The following SF1 variants were observed in gnomAD, a reference collection of about 807,000 sequenced individuals.
SF1 encodes splicing factor 1, also known as branch point-binding protein.
SF1 carries 7 observed loss-of-function variants against 62.5 expected under a neutral mutation model. The ratio of observed to expected loss-of-function variants is 0.11; its 90% CI spans 0.06 to 0.21. The LOEUF is 0.21. Ranked by LOEUF, SF1 falls within the 10% of genes least tolerant of loss-of-function variation. The probability of loss-of-function intolerance (pLI) is 1.00; values close to 1 mark genes in which losing one functional copy is unlikely to be tolerated. For missense variants in SF1, 578 were observed against 884.0 expected (o/e 0.65, Z 4.39); for synonymous variants, 394 against 323.6 (o/e 1.22, Z -2.33).
chr11:64,775,195 G>A (rs747109072), intron 2 of SF1, among the ~76,000 whole-genome samples: 1 of 151,586 alleles, frequency 6.6e-6, no homozygotes, highest in East Asian at 1.9e-4. Flanking sequence ...AAATAAAAAG[G>A]GTCATTCTCT....
At chr11:64,778,132 T>C (rs1390040218) in intron 1 of SF1, 3 of 759,556 alleles carry the variant, frequency 3.9e-6, no homozygotes, top group South Asian at 6.0e-5. Context: ...ACGGTGGCGG[T>C]GGAGGCGGCG....
chr11:64,775,102 C>T (rs1254041361), intron 2 of SF1, among the ~76,000 whole-genome samples: 2 of 152,066 alleles, frequency 1.3e-5, no homozygotes, highest in African/African-American at 2.4e-5. Context: ...GTATTAAGCT[C>T]AACAACTCGA....
At chr11:64,776,276 T>C (rs1235191297) in intron 2 of SF1, 1 of 486,590 alleles carries the variant, frequency 2.1e-6, no homozygotes, top group African/African-American at 2.0e-5. Context: ...AAACCCTACC[T>C]TCCTGATACT....
Position 64,768,136 on chromosome 11 carries a change from A to C in SF1, c.1038T>G (p.Pro346=), listed in dbSNP as rs749714318. 3 of 1,612,048 alleles carry C rather than the reference A, an allele frequency of 1.9e-6. No homozygotes were observed. The highest frequency in any genetic ancestry group is 2.5e-6 in the Non-Finnish European group (3 of 1,179,022). ...GAGGTGGGTTGTTGGCGGGAGCAGC[A>C]GGACGAGGTGCGCTGGCCAGGGGTG... ...ATTPLASAPR[P]AAPANNPPPP... Residue 346 remains proline, a synonymous_variant, in exon 9 of 13, where the codon CCT becomes CCG. Transcript: ENST00000377390.
Position 64,765,292 on chromosome 11 carries a change from AG to A in SF1, c.*525del. On this transcript the variant is annotated 3_prime_UTR_variant, in exon 13 of 13. Coordinates refer to ENST00000377390, the MANE Select transcript of SF1 (RefSeq NM_004630.4). ...ATCTCCTTGGACGGAGTCTGAAGAA[AG>A]GAAAAGATAAAGAAGTAACAAAGGA... The A allele has an allele frequency of 1.6e-6, 1 of 616,204 alleles. No homozygotes were observed. Among genetic ancestry groups the A allele is most frequent in the East Asian group, 2.8e-5 (1 of 35,930 alleles). The allele number at this position is 616,204 out of a possible 1,614,324, so 38.2% of individuals were successfully genotyped here.
At position 64,778,494 on chromosome 11, in the gene SF1, C is replaced by T; in HGVS notation, c.-102G>A. 8.4e-7 allele frequency: 1 copy of T among 1,187,652 alleles called. No homozygotes were observed. Among genetic ancestry groups the T allele is most frequent in the East Asian group, 3.5e-5 (1 of 28,392 alleles). The allele number at this position is 1,187,652 out of a possible 1,614,324, so 73.6% of individuals were successfully genotyped here. ...GGGACCCGAATGCGCTGCCGGAGCG[C>T]GCGGAGCCCGTCCTCTCACGCGGCG... is the stretch of plus-strand genomic sequence containing the variant. On this transcript the variant is annotated 5_prime_UTR_variant, in exon 1 of 13. Coordinates refer to ENST00000377390, the MANE Select transcript of SF1 (RefSeq NM_004630.4).
chr11:64,767,870 G>A (rs758708143), intron 9 of SF1, 26 bp from the exon 10 acceptor site: 14 of 1,602,844 alleles, frequency 8.7e-6, no homozygotes, highest in African/African-American at 4.0e-5. Flanking sequence ...TCCTGCCAAC[G>A]TCCCTGCCTG....
chr11:64,771,012 G>GGA (rs1203354618), intron 3 of SF1, among the ~76,000 whole-genome samples: 1 of 152,210 alleles, frequency 6.6e-6, no homozygotes, highest in Admixed American at 6.5e-5. Context: ...CCAAGGCCCA[G>GGA]GAGACAACCT....
intron 2 of SF1, among the ~76,000 whole-genome samples, chr11:64,773,924 C>A (rs1938716337): frequency 6.6e-6 from 1 of 152,132 alleles, no homozygotes; most frequent in African/African-American, 2.4e-5. Flanking sequence ...TGAGTTTTTT[C>A]TTCATTAAAT....
chr11:64,771,069 T>TA (rs1385088833), intron 3 of SF1, among the ~76,000 whole-genome samples: 1 of 152,188 alleles, frequency 6.6e-6, no homozygotes, highest in Non-Finnish European at 1.5e-5. Context: ...AGAAAAACGT[T>TA]AAAGTGCTAA....
chr11:64,769,920 G>T, intron 5 of SF1, 44 bp downstream of exon 5: 1 of 1,423,698 alleles, frequency 7.0e-7, no homozygotes, highest in Non-Finnish European at 9.9e-7. Context: ...ACATCTCACA[G>T]GCTCTAAAGG....
chr11:64,773,901 T>C (rs188926259), intron 2 of SF1, among the ~76,000 whole-genome samples: 125 of 152,274 alleles, frequency 8.2e-4, no homozygotes, highest in Non-Finnish European at 4.4e-5. Context: ...TCAAATTACT[T>C]GAGGGCAAGA....
Position 64,765,839 on chromosome 11 carries a change from T to C in SF1, c.1899A>G (p.Pro633=), listed in dbSNP as rs1289600572. 1.3e-6 allele frequency: 2 copies of C among 1,553,034 alleles called. No homozygotes were observed. The highest frequency in any genetic ancestry group is 8.7e-7 in the Non-Finnish European group (1 of 1,149,144). The change falls in exon 13 of 13, where the codon CCA becomes CCG. Residue 633 remains proline, a synonymous_variant. Coordinates refer to ENST00000377390, the MANE Select transcript of SF1 (RefSeq NM_004630.4). ...MPPFGMPPAP[P]PPPPQN is the part of the protein sequence containing the mutation. ...AAGTCTAGTTCTGTGGTGGAGGCGGTGGGGGAGCTGGAGGCATCCCGAAGG... is the reference window on the plus strand; with the variant it reads ...AAGTCTAGTTCTGTGGTGGAGGCGGCGGGGGAGCTGGAGGCATCCCGAAGG...
chr11:64,773,143 C>T, intron 3 of SF1: 1 of 1,241,046 alleles, frequency 8.1e-7, no homozygotes, highest in Non-Finnish European at 1.0e-6. Context: ...CCTCACTGTC[C>T]CCTAAGGGTG....
intron 3 of SF1, chr11:64,773,034 A>T (rs1367550378): frequency 2.4e-5 from 24 of 1,012,910 alleles, no homozygotes; most frequent in Non-Finnish European, 2.8e-5. Flanking sequence ...AGTGATGCTC[A>T]AAAATATTTT....
At position 64,769,072 on chromosome 11, in the gene SF1, A is replaced by G; in HGVS notation, c.837T>C (p.Cys279=). ...ETRSITNTTV[C]TKCGGAGHIA... ...TGTGGCCAGCCCCTCCACACTTGGT[A>G]CACACTGTGGTGTTGGTAATGCTGC... The change falls in exon 8 of 13, where the codon TGT becomes TGC. Residue 279 remains cysteine, a synonymous_variant. Transcript: ENST00000377390. 2.5e-6 allele frequency: 4 copies of G among 1,614,178 alleles called. No individual in the cohort carries two copies. Among genetic ancestry groups the G allele is most frequent in the Non-Finnish European group, 3.4e-6 (4 of 1,180,002 alleles).
chr11:64,778,242 G>A, intron 1 of SF1, 120 bp downstream of exon 1: 2 of 1,202,066 alleles, frequency 1.7e-6, no homozygotes, highest in Non-Finnish European at 2.1e-6. Context: ...CCCACGGGCG[G>A]GGGCGGCGGC....
At chr11:64,776,163 G>C (rs186487339) in intron 2 of SF1, 29 of 289,436 alleles carry the variant, frequency 1.0e-4, no homozygotes, top group African/African-American at 6.8e-4. Flanking sequence ...TTCTCCACTG[G>C]GGCCTGTCCA....
At chr11:64,766,634 T>C in intron 12 of SF1, 1 of 433,592 alleles carries the variant, frequency 2.3e-6, no homozygotes, top group South Asian at 5.5e-5. Context: ...CCTGCGAGGG[T>C]CTGGACTTCT....
Sources: gnomAD v4.1 joint callset for allele counts (sites outside exome capture counted in the v4.1 genomes callset) on GRCh38, gnomAD v4.1.1 for gene constraint, MANE v1.5 for transcripts, NCBI Gene and HGNC (gene_info 2026-07-23, HGNC 2026-07-21) for gene names.